The following DENND5B variants were observed in gnomAD, a reference collection of about 807,000 sequenced individuals.
The protein encoded by DENND5B is DENN domain-containing protein 5B.
A neutral mutation model predicts 140.6 loss-of-function variants in DENND5B; 34 were observed. The ratio of observed to expected loss-of-function variants is 0.24; its 90% CI spans 0.18 to 0.32. The LOEUF is 0.32. DENND5B is among the 10% of genes least tolerant of loss of function. DENND5B has a pLI of 1.00. For missense variants in DENND5B, 1,142 were observed against 1,560.2 expected (o/e 0.73, Z 4.52); for synonymous variants, 551 against 562.1 (o/e 0.98, Z 0.28).
chr12:31,453,529 T>C (rs793186), intron 4 of DENND5B, among the ~76,000 whole-genome samples: 124,533 of 152,104 alleles, frequency 0.82, 51,287 homozygotes, highest in African/African-American at 0.89. Context: ...GAAGGTTGTG[T>C]TTCTAGATTG....
chr12:31,538,828 C>T (rs1846587789), intron 1 of DENND5B, among the ~76,000 whole-genome samples: 1 of 151,998 alleles, frequency 6.6e-6, no homozygotes, highest in African/African-American at 2.4e-5. Flanking sequence ...GAGATTGTGC[C>T]ACTGCACTCC....
intron 1 of DENND5B, among the ~76,000 whole-genome samples, chr12:31,586,005 T>C (rs917272142): frequency 6.6e-6 from 1 of 152,226 alleles, no homozygotes; most frequent in African/African-American, 2.4e-5. Flanking sequence ...GTACTGTATA[T>C]AAGGTACTAC....
chr12:31,459,432 G>A (rs1944919976), intron 4 of DENND5B, among the ~76,000 whole-genome samples: 1 of 152,108 alleles, frequency 6.6e-6, no homozygotes, highest in Non-Finnish European at 1.5e-5. Context: ...TGGGACTACA[G>A]GTGTGTGCCA....
intron 2 of DENND5B, among the ~76,000 whole-genome samples, chr12:31,488,930 T>C (rs1416762939): frequency 6.6e-6 from 1 of 152,234 alleles, no homozygotes; most frequent in Non-Finnish European, 1.5e-5. Flanking sequence ...CAAAGCAGGC[T>C]TATAATGACA....
intron 1 of DENND5B, among the ~76,000 whole-genome samples, chr12:31,550,548 A>T (rs181810951): frequency 0.012 from 1,853 of 152,170 alleles, 16 homozygotes; most frequent in Non-Finnish European, 0.018. Flanking sequence ...TCTTTATAGC[A>T]GCATGATTTA....
intron 1 of DENND5B, among the ~76,000 whole-genome samples, chr12:31,587,636 C>T (rs1297533469): frequency 7.3e-6 from 1 of 137,480 alleles, no homozygotes; most frequent in African/African-American, 2.7e-5. Flanking sequence ...CAACCTCCAC[C>T]TCCTGGGTTC....
At chr12:31,556,765 C>T (rs191591642) in intron 1 of DENND5B, among the ~76,000 whole-genome samples, 271 of 152,284 alleles carry the variant, frequency 1.8e-3, no homozygotes, top group Non-Finnish European at 2.9e-3. Context: ...AAAATACACA[C>T]TGAAGTGTAA....
chr12:31,523,944 T>C (rs979347807), intron 1 of DENND5B, among the ~76,000 whole-genome samples: 1 of 152,176 alleles, frequency 6.6e-6, no homozygotes, highest in African/African-American at 2.4e-5. Context: ...AGTGGTATCA[T>C]AGCATTCTTT....
chr12:31,580,286 T>A (rs1280699913), intron 1 of DENND5B, among the ~76,000 whole-genome samples: 1 of 152,080 alleles, frequency 6.6e-6, no homozygotes. Context: ...CTGGTAAAAA[T>A]GGTTAATTTT....
intron 8 of DENND5B, among the ~76,000 whole-genome samples, chr12:31,429,168 G>A (rs1006278041): frequency 4.0e-5 from 6 of 150,160 alleles, no homozygotes; most frequent in Admixed American, 6.6e-5. Context: ...CACCACGCCC[G>A]GCTGTAATTT....
intron 13 of DENND5B, among the ~76,000 whole-genome samples, chr12:31,410,554 C>T (rs11830280): frequency 0.017 from 2,564 of 152,118 alleles, 77 homozygotes; most frequent in African/African-American, 0.058. Context: ...CACAGGTGCA[C>T]GCTACCACAC....
At chr12:31,503,517 T>C (rs999257964) in intron 1 of DENND5B, among the ~76,000 whole-genome samples, 7 of 152,136 alleles carry the variant, frequency 4.6e-5, no homozygotes, top group African/African-American at 1.7e-4. Flanking sequence ...CTGTGATCCA[T>C]TCCAGCCTGG....
At chr12:31,475,531 T>C (rs1347229037) in intron 3 of DENND5B, among the ~76,000 whole-genome samples, 1 of 152,152 alleles carries the variant, frequency 6.6e-6, no homozygotes, top group African/African-American at 2.4e-5. Context: ...GACGATCGCT[T>C]GAGCCCAGGA....
At chr12:31,447,012 C>G (rs1265599849) in intron 6 of DENND5B, among the ~76,000 whole-genome samples, 1 of 152,052 alleles carries the variant, frequency 6.6e-6, no homozygotes, top group African/African-American at 2.4e-5. Flanking sequence ...TGGCTCACAC[C>G]TGTAATCCCA....
intron 1 of DENND5B, among the ~76,000 whole-genome samples, chr12:31,552,922 T>C (rs1949129436): frequency 6.6e-6 from 1 of 152,186 alleles, no homozygotes; most frequent in African/African-American, 2.4e-5. Context: ...ATCCCCTTTA[T>C]CATTTTTTAT....
At chr12:31,547,365 C>T (rs1031731873) in intron 1 of DENND5B, among the ~76,000 whole-genome samples, 2 of 152,144 alleles carry the variant, frequency 1.3e-5, no homozygotes, top group Non-Finnish European at 2.9e-5. Flanking sequence ...AAATCTTAGA[C>T]ATGATTAGAT....
intron 1 of DENND5B, among the ~76,000 whole-genome samples, chr12:31,528,344 T>G (rs899439547): frequency 4.6e-5 from 7 of 152,200 alleles, no homozygotes; most frequent in African/African-American, 1.7e-4. Flanking sequence ...AAACTTCCCT[T>G]TGCCTCTCTC....
intron 17 of DENND5B, among the ~76,000 whole-genome samples, chr12:31,397,263 A>G (rs755214259): frequency 3.3e-5 from 5 of 152,056 alleles, no homozygotes; most frequent in Non-Finnish European, 7.4e-5. Context: ...AATAAGAGAC[A>G]CTGGGGCGGG....
chr12:31,407,199 C>T (rs1190050142), intron 14 of DENND5B, among the ~76,000 whole-genome samples: 5 of 149,940 alleles, frequency 3.3e-5, no homozygotes, highest in African/African-American at 9.8e-5. Context: ...GGCGCAATCT[C>T]GGCTGACTGC....
Sources: gnomAD v4.1 joint callset for allele counts (sites outside exome capture counted in the v4.1 genomes callset) on GRCh38, gnomAD v4.1.1 for gene constraint, MANE v1.5 for transcripts, NCBI Gene and HGNC (gene_info 2026-07-23, HGNC 2026-07-21) for gene names.